Variants in NFAM1 observed in about 807,000 individuals in gnomAD.
NFAM1 encodes the protein NFAT activation molecule 1.
In NFAM1, 17 loss-of-function variants were observed where a neutral mutation model predicts 29.0. That is an observed-to-expected ratio of 0.59 (90% confidence interval 0.40 to 0.88). The LOEUF is 0.88. NFAM1 is among the 40% of genes least tolerant of loss of function. NFAM1 has a pLI of 0.00. For synonymous variants in NFAM1, 175 were observed against 147.2 expected, an observed-to-expected ratio of 1.19 and a Z score of -1.36; for missense variants, 324 against 344.6, an observed-to-expected ratio of 0.94 and a Z score of 0.47.
chr22:42,429,009 G>A (rs936637035), intron 1 of NFAM1, among the ~76,000 whole-genome samples: 1 of 152,188 alleles, frequency 6.6e-6, no homozygotes, highest in Non-Finnish European at 1.5e-5. Flanking sequence ...AGCAGGCTTT[G>A]CAGAGGGGTC....
At chr22:42,427,248 T>C (rs1930653559) in intron 1 of NFAM1, among the ~76,000 whole-genome samples, 2 of 152,096 alleles carry the variant, frequency 1.3e-5, no homozygotes, top group Admixed American at 1.3e-4. Context: ...TGCCTCCGGG[T>C]CCACATTTCC....
chr22:42,426,466 A>G lies in NFAM1; in HGVS notation c.121+5771T>C, dbSNP rs546089658. On this transcript the variant is annotated intron_variant, in intron 1 of 5. Coordinates refer to ENST00000329021, the MANE Select transcript of NFAM1 (RefSeq NM_145912.8). Reference sequence around the variant, plus strand: ...ATGAAGCCCCCAGGTGCAGCCACTCATCAAATAGACCCTCAGCAGCCAAGC... The same window carrying G: ...ATGAAGCCCCCAGGTGCAGCCACTCGTCAAATAGACCCTCAGCAGCCAAGC... 2.2e-4 allele frequency among the ~76,000 whole-genome samples: 33 copies of G among 152,270 alleles called. No individual in the cohort carries two copies. In the East Asian group the frequency reaches 4.6e-3, roughly 21 times the overall value.
rs1238544770 is a variant in NFAM1, at chr22:42,419,983, A to C, written c.122-8247T>G. ...TGGGTCCCTTTGAGTCTGTAATCCC[A>C]CTCTTGGTTTTTTTTTTTTTTTTTT... On this transcript the variant is annotated intron_variant, in intron 1 of 5. Coordinates refer to ENST00000329021, the MANE Select transcript of NFAM1 (RefSeq NM_145912.8). The surrounding 1 kb of genome is among the most constrained non-coding windows in gnomAD (Gnocchi z 4.5). Among the ~76,000 whole-genome samples the C allele has an allele frequency of 2.0e-3, 193 of 96,654 alleles. 2 individuals carry two copies. The highest frequency in any genetic ancestry group is 2.4e-3 in the African/African-American group (61 of 25,138). 63.4% of individuals were successfully genotyped at this position (96,654 alleles called of 152,430 possible). A position where few individuals can be genotyped will look rare whatever the true frequency, so the allele number is the denominator to read the frequency against.
At chr22:42,402,218 G>A (rs1388549093) in intron 3 of NFAM1, among the ~76,000 whole-genome samples, 2 of 152,334 alleles carry the variant, frequency 1.3e-5, no homozygotes, top group South Asian at 2.1e-4. Context: ...ATGGATGTGG[G>A]GAGAGAGAAG....
intron 1 of NFAM1, among the ~76,000 whole-genome samples, chr22:42,426,931 A>C (rs1326407872): frequency 6.6e-6 from 1 of 152,062 alleles, no homozygotes; most frequent in Non-Finnish European, 1.5e-5. Flanking sequence ...CCATCATGGT[A>C]CTGGATGTAC....
chr22:42,406,172 G>A (rs1929891342), intron 3 of NFAM1, among the ~76,000 whole-genome samples: 1 of 122,044 alleles, frequency 8.2e-6, no homozygotes, highest in South Asian at 2.6e-4. Context: ...AATACCCCCC[G>A]GCTCGCGCCT....
intron 4 of NFAM1, among the ~76,000 whole-genome samples, chr22:42,397,508 G>A (rs2147097309): frequency 6.6e-6 from 1 of 152,278 alleles, no homozygotes; most frequent in Non-Finnish European, 1.5e-5. Context: ...AAAACAGGAG[G>A]AAGTGGTAAG....
chr22:42,407,903 C>CTTTTTT (rs61407898), intron 3 of NFAM1, among the ~76,000 whole-genome samples: 2 of 103,290 alleles, frequency 1.9e-5, no homozygotes, highest in Admixed American at 1.0e-4. Context: ...ACAGATTTCT[C>CTTTTTT]TTTTTTTTTT....
At chr22:42,437,216 C>G (rs970654091), upstream of NFAM1, among the ~76,000 whole-genome samples, 1 of 149,534 alleles carries the variant, frequency 6.7e-6, no homozygotes, top group Admixed American at 6.7e-5. Context: ...GATCTTGGCT[C>G]ACTGCAACCT....
chr22:42,425,573 G>A (rs912719685), intron 1 of NFAM1, among the ~76,000 whole-genome samples: 2 of 151,678 alleles, frequency 1.3e-5, no homozygotes, highest in African/African-American at 2.4e-5. Flanking sequence ...CCTGTCTGCC[G>A]CCTCCTGCCC....
At chr22:42,402,162 G>T (rs1042480985) in intron 3 of NFAM1, among the ~76,000 whole-genome samples, 1 of 152,242 alleles carries the variant, frequency 6.6e-6, no homozygotes, top group African/African-American at 2.4e-5. Flanking sequence ...AAGCCCCGGG[G>T]AAGGGGCTGG....
chr22:42,401,036 C>A (rs1601743460), intron 3 of NFAM1, among the ~76,000 whole-genome samples: 1 of 152,132 alleles, frequency 6.6e-6, no homozygotes, highest in African/African-American at 2.4e-5. Flanking sequence ...GCATGGAAGA[C>A]CCTGTGGTGA....
Position 42,382,110 on chromosome 22 carries a change from C to T in NFAM1, c.*3051G>A, listed in dbSNP as rs6002713. ...GTGCTCTGTAGCCCAGGCTGGTGTG[C>T]AGTGGTGCCACTTCGGCTCACTGCA... On this transcript the variant is annotated 3_prime_UTR_variant, in exon 6 of 6. Coordinates refer to ENST00000329021, the MANE Select transcript of NFAM1 (RefSeq NM_145912.8). 83,419 of 152,328 alleles carry T rather than the reference C, an allele frequency of 0.55. 25,365 individuals are homozygous for T. The highest frequency in any genetic ancestry group is 0.83 in the African/African-American group (34,465 of 41,516). The allele number at this position is 152,328 out of a possible 1,614,324, so 9.4% of individuals were successfully genotyped here.
chr22:42,407,371 C>T (rs114318425), intron 3 of NFAM1, among the ~76,000 whole-genome samples: 1,718 of 152,018 alleles, frequency 0.011, 43 homozygotes, highest in African/African-American at 0.039. Flanking sequence ...CATAAGCCAC[C>T]GCACCCAGCC....
chr22:42,403,505 G>T (rs114758082), intron 3 of NFAM1, among the ~76,000 whole-genome samples: 268 of 152,252 alleles, frequency 1.8e-3, no homozygotes, highest in African/African-American at 6.1e-3. Context: ...TTTAGTACAG[G>T]TGGGGGTTTG....
chr22:42,409,486 G>A lies in NFAM1; in HGVS notation c.513C>T (p.Gly171=), dbSNP rs145839093. The change falls in exon 3 of 6, where the codon GGC becomes GGT. Residue 171 remains glycine, a synonymous_variant. Coordinates refer to ENST00000329021, the MANE Select transcript of NFAM1 (RefSeq NM_145912.8). The surrounding 1 kb of genome is among the most constrained non-coding windows in gnomAD (Gnocchi z 4.9). Reference sequence around the variant, plus strand: ...CCACTACACTCAGGACACTCAGGAGGCCGGTGAAGCCAAAGAGCAGGAGCT... The same window carrying A: ...CCACTACACTCAGGACACTCAGGAGACCGGTGAAGCCAAAGAGCAGGAGCT... ...PQKLLLFGFT[G]LLSVLSVVGT... 30 of 1,569,586 alleles carry A rather than the reference G, an allele frequency of 1.9e-5. No homozygotes were observed. In the African/African-American group the frequency reaches 4.0e-4, roughly 21 times the overall value.
At chr22:42,394,058 G>A (rs965861938) in intron 4 of NFAM1, among the ~76,000 whole-genome samples, 9 of 151,226 alleles carry the variant, frequency 6.0e-5, no homozygotes, top group Admixed American at 3.3e-4. Context: ...TTTTTGAGAC[G>A]GAGTTTCGCT....
intron 2 of NFAM1, among the ~76,000 whole-genome samples, chr22:42,411,168 C>T (rs907234207): frequency 6.6e-6 from 1 of 151,866 alleles, no homozygotes; most frequent in Non-Finnish European, 1.5e-5. Context: ...GGATTACAGG[C>T]ACCTGCCACC....
Position 42,397,941 on chromosome 22 carries a change from G to A in NFAM1, c.580C>T (p.Pro194Ser). The change falls in exon 4 of 6, where the codon CCA becomes TCA. Residue 194 changes from proline (P) to serine (S), a missense_variant. Physicochemically the swap from Pro to Ser is moderately conservative, Grantham distance 74. Transcript: ENST00000329021. The part of the protein sequence containing the change: ...LLWNKKRMRG[P>S]GKDPTRKCPD... ...CACTTCCTGGTGGGGTCCTTCCCTG[G>A]ACCCCGCATCCGCTTCTGTAGGGAG... The A allele has an allele frequency of 1.2e-6, 2 of 1,602,456 alleles. No individual in the cohort carries two copies. The highest frequency in any genetic ancestry group is 1.7e-6 in the Non-Finnish European group (2 of 1,172,756).
Sources: allele counts gnomAD v4.1 joint callset (sites outside exome capture counted in the v4.1 genomes callset), GRCh38; gene constraint gnomAD v4.1.1; non-coding constraint Gnocchi (gnomAD v3.1); transcripts MANE v1.5; gene names NCBI Gene and HGNC (gene_info 2026-07-23, HGNC 2026-07-21).